The following GABRB1 variants were observed in gnomAD, a reference collection of about 807,000 sequenced individuals.
The protein encoded by GABRB1 is gamma-aminobutyric acid type A receptor subunit beta1.
GABRB1 carries 17 observed loss-of-function variants against 51.6 expected under a neutral mutation model. The ratio of observed to expected loss-of-function variants is 0.33; its 90% CI spans 0.23 to 0.49. The LOEUF is 0.49. Among genes scored for constraint, GABRB1 ranks in the 20% least tolerant of loss-of-function variants. The probability of loss-of-function intolerance (pLI) is 0.99; values close to 1 mark genes in which losing one functional copy is unlikely to be tolerated. For synonymous variants in GABRB1, 247 were observed against 218.9 expected, an observed-to-expected ratio of 1.13 and a Z score of -1.14; for missense variants, 410 against 600.6, an observed-to-expected ratio of 0.68 and a Z score of 3.32.
At chr4:47,157,752 AATT>A (rs775785840) in intron 3 of GABRB1, among the ~76,000 whole-genome samples, 7 of 152,056 alleles carry the variant, frequency 4.6e-5, no homozygotes, top group African/African-American at 7.2e-5. Flanking sequence ...TTATCATCAC[AATT>A]ATTATTATCT....
intron 3 of GABRB1, among the ~76,000 whole-genome samples, chr4:47,127,625 T>A (rs1361583873): frequency 6.6e-6 from 1 of 151,872 alleles, no homozygotes; most frequent in Non-Finnish European, 1.5e-5. Flanking sequence ...CTCGTTATTC[T>A]TTTGCTCATA....
intron 1 of GABRB1, among the ~76,000 whole-genome samples, chr4:47,008,252 G>A (rs921982479): frequency 6.6e-6 from 1 of 151,896 alleles, no homozygotes; most frequent in Non-Finnish European, 1.5e-5. Context: ...GATCATTGTG[G>A]GACAACCAAA....
chr4:47,297,886 TCCAC>T (rs1724070513), intron 4 of GABRB1, among the ~76,000 whole-genome samples: 5 of 152,290 alleles, frequency 3.3e-5, no homozygotes, highest in Admixed American at 2.6e-4. Context: ...AAAAAGCTTA[TCCAC>T]CATGATCAAG....
chr4:47,425,875 C>T lies in GABRB1; in HGVS notation c.1282C>T (p.Arg428Cys), dbSNP rs78133797. The T allele has an allele frequency of 6.2e-7, 1 of 1,614,088 alleles. No homozygotes were observed. The highest frequency in any genetic ancestry group is 2.2e-5 in the East Asian group (1 of 44,874). The stretch of plus-strand genomic sequence containing the variant: ...CCGGCACGGGGTACCCAGCAAGGGG[C>T]GCATCCGCAGGCGTGCCTCCCAGCT... The part of the protein sequence containing the change: ...LDRHGVPSKG[R>C]IRRRASQLKV... The change falls in exon 9 of 9, where the codon CGC (arginine) becomes TGC (cysteine). Residue 428 changes from arginine (R) to cysteine (C), a missense_variant. By Grantham distance (180) the Arg-to-Cys change is radical. Transcript: ENST00000295454.
chr4:47,366,630 TA>T lies in GABRB1; in HGVS notation c.545-36677del, dbSNP rs35310319. On this transcript the variant is annotated intron_variant, in intron 5 of 8. Coordinates refer to ENST00000295454, the MANE Select transcript of GABRB1 (RefSeq NM_000812.4). Reference sequence around the variant, plus strand: ...AGGAGCATAGCATAAGATGGGAAAATAAAAAAAAAAATCTCAACATTATCCC... The same window carrying T: ...AGGAGCATAGCATAAGATGGGAAAATAAAAAAAAAATCTCAACATTATCCC... 4.3e-4 allele frequency among the ~76,000 whole-genome samples: 64 copies of T among 149,246 alleles called. No homozygotes were observed. The South Asian group carries it at 5.9e-3, about 14-fold the overall frequency.
At chr4:47,089,917 C>T (rs542568067) in intron 3 of GABRB1, among the ~76,000 whole-genome samples, 1 of 152,250 alleles carries the variant, frequency 6.6e-6, no homozygotes, top group South Asian at 2.1e-4. Flanking sequence ...GAAAAGATCT[C>T]AGTTCTCATC....
At chr4:47,318,638 G>T (rs1016913290) in intron 4 of GABRB1, among the ~76,000 whole-genome samples, 2 of 151,998 alleles carry the variant, frequency 1.3e-5, no homozygotes, top group African/African-American at 4.8e-5. Context: ...GAGCTTTTGT[G>T]TTTATTCAAA....
rs1443526401 is a variant in GABRB1, at chr4:47,277,925, AT to A, written c.462-42195del. 1.6e-4 allele frequency among the ~76,000 whole-genome samples: 24 copies of A among 151,928 alleles called. 1 individual carries two copies. In the East Asian group the frequency reaches 4.1e-3, roughly 26 times the overall value. On this transcript the variant is annotated intron_variant, in intron 4 of 8. Transcript: ENST00000295454. The stretch of plus-strand genomic sequence containing the variant: ...GTTTTCCTTTGTAATCCTTTCTTTG[AT>A]TTTTTTGTACCAACACATTTTCTAA...
chr4:47,367,893 G>A lies in GABRB1; in HGVS notation c.545-35425G>A, dbSNP rs1388436851. ...TGCCCCACAAGTTGCCCTTGTCCTTGCAGTAAAGGCTGACTGATTATAACC... is the reference window on the plus strand; with the variant it reads ...TGCCCCACAAGTTGCCCTTGTCCTTACAGTAAAGGCTGACTGATTATAACC... On this transcript the variant is annotated intron_variant, in intron 5 of 8. Transcript: ENST00000295454. Among the ~76,000 whole-genome samples the A allele has an allele frequency of 2.0e-5, 3 of 152,206 alleles. No homozygotes were observed. In the East Asian group the frequency reaches 5.8e-4, roughly 29 times the overall value.
At chr4:47,180,246 T>C (rs1718888290) in intron 4 of GABRB1, among the ~76,000 whole-genome samples, 1 of 151,906 alleles carries the variant, frequency 6.6e-6, no homozygotes, top group South Asian at 2.1e-4. Context: ...TCCAGAAAAA[T>C]CTATTCCAAA....
chr4:47,238,460 T>C (rs1721406155), intron 4 of GABRB1, among the ~76,000 whole-genome samples: 1 of 152,148 alleles, frequency 6.6e-6, no homozygotes, highest in Non-Finnish European at 1.5e-5. Context: ...AAAGATGCTT[T>C]TTAAGTAACT....
chr4:47,174,900 C>A (rs1439058842), intron 4 of GABRB1, among the ~76,000 whole-genome samples: 1 of 141,076 alleles, frequency 7.1e-6, no homozygotes, highest in South Asian at 2.6e-4. Context: ...TTCCTTCCTT[C>A]CTTCCTTCTT....
intron 5 of GABRB1, among the ~76,000 whole-genome samples, chr4:47,322,594 G>T (rs551719441): frequency 4.6e-5 from 7 of 152,294 alleles, no homozygotes; most frequent in African/African-American, 1.7e-4. Context: ...AAAAGTAATG[G>T]AGTAAGAATT....
chr4:47,282,904 C>T (rs1350893520), intron 4 of GABRB1, among the ~76,000 whole-genome samples: 1 of 152,134 alleles, frequency 6.6e-6, no homozygotes, highest in Non-Finnish European at 1.5e-5. Flanking sequence ...ATATGACACT[C>T]AGTGGAGACC....
Position 47,016,779 on chromosome 4 carries a change from A to G in GABRB1, c.-19-15135A>G, listed in dbSNP as rs1724757796. On this transcript the variant is annotated intron_variant, in intron 1 of 3. Coordinates refer to the GABRB1 transcript ENST00000513567. ...TAATTTTTGTATTTTTAGTAGAGAC[A>G]GGGTTTCACCTTATGGGCCAGGCTG... Among the ~76,000 whole-genome samples, 3 of 152,030 alleles carry G rather than the reference A, an allele frequency of 2.0e-5. No homozygotes were observed. The South Asian group carries it at 6.2e-4, about 32-fold the overall frequency.
At chr4:47,164,062 T>C (rs1220644382) in intron 4 of GABRB1, among the ~76,000 whole-genome samples, 1 of 151,672 alleles carries the variant, frequency 6.6e-6, no homozygotes, top group Non-Finnish European at 1.5e-5. Context: ...ACCCCATACT[T>C]ACCAAAAAAA....
At chr4:47,060,698 A>G (rs1233830479) in intron 3 of GABRB1, among the ~76,000 whole-genome samples, 1 of 151,980 alleles carries the variant, frequency 6.6e-6, no homozygotes, top group African/African-American at 2.4e-5. Flanking sequence ...CTGTTAGGGG[A>G]TGAGTGTTGG....
upstream of GABRB1, among the ~76,000 whole-genome samples, chr4:47,028,720 G>A (rs1427320790): frequency 2.7e-5 from 4 of 150,168 alleles, no homozygotes; most frequent in Non-Finnish European, 5.9e-5. Flanking sequence ...TCTATTCTGT[G>A]TATGTGTATA....
intron 3 of GABRB1, among the ~76,000 whole-genome samples, chr4:47,115,384 ACTGT>A (rs1367875837): frequency 2.0e-5 from 3 of 151,978 alleles, no homozygotes; most frequent in Admixed American, 6.6e-5. Context: ...ATCTTGTACC[ACTGT>A]CTGAATGCTT....
Sources: allele counts gnomAD v4.1 joint callset (sites outside exome capture counted in the v4.1 genomes callset), GRCh38; gene constraint gnomAD v4.1.1; transcripts MANE v1.5; gene names NCBI Gene and HGNC (gene_info 2026-07-23, HGNC 2026-07-21).